The following RC3H1 variants were observed in gnomAD, a reference collection of about 807,000 sequenced individuals.
The protein encoded by RC3H1 is ring finger and CCCH-type domains 1.
Under a neutral mutation model 138.2 loss-of-function variants are expected in RC3H1, and 50 were observed. The ratio of observed to expected loss-of-function variants is 0.36; its 90% CI spans 0.29 to 0.46. The LOEUF is 0.46. Ranked by LOEUF, RC3H1 falls within the 20% of genes least tolerant of loss-of-function variation. RC3H1 has a pLI of 1.00. For missense variants in RC3H1, 1,031 were observed against 1,388.1 expected (o/e 0.74, Z 4.09); for synonymous variants, 462 against 489.1 (o/e 0.94, Z 0.73).
At chr1:173,965,377 G>A (rs1660068292) in intron 9 of RC3H1, among the ~76,000 whole-genome samples, 3 of 151,916 alleles carry the variant, frequency 2.0e-5, no homozygotes, top group Admixed American at 1.3e-4. Context: ...GGCGGATCAC[G>A]AGGTTAAGAT....
At chr1:174,005,085 T>G (rs1291582001) in intron 1 of RC3H1, among the ~76,000 whole-genome samples, 1 of 152,198 alleles carries the variant, frequency 6.6e-6, no homozygotes, top group Non-Finnish European at 1.5e-5. Flanking sequence ...TGGGTGGCCC[T>G]GACTTACTTT....
intron 9 of RC3H1, among the ~76,000 whole-genome samples, 173 bp downstream of exon 9, chr1:173,970,332 T>G (rs778771507): frequency 2.1e-4 from 32 of 152,230 alleles, no homozygotes; most frequent in Non-Finnish European, 2.6e-4. Flanking sequence ...CTTTCAAGCA[T>G]TTTTGGATTT....
At chr1:174,002,953 T>C (rs1661586815) in intron 1 of RC3H1, among the ~76,000 whole-genome samples, 1 of 152,132 alleles carries the variant, frequency 6.6e-6, no homozygotes, top group African/African-American at 2.4e-5. Context: ...TCCAAATCTC[T>C]CTCTCAAGTT....
At chr1:173,989,472 A>G (rs1183770314) in intron 2 of RC3H1, among the ~76,000 whole-genome samples, 1 of 152,182 alleles carries the variant, frequency 6.6e-6, no homozygotes, top group Non-Finnish European at 1.5e-5. Flanking sequence ...TACAGACGTG[A>G]GCCACTGTGA....
At chr1:173,942,153 A>G (rs933470524) in intron 18 of RC3H1, among the ~76,000 whole-genome samples, 1 of 151,578 alleles carries the variant, frequency 6.6e-6, no homozygotes, top group African/African-American at 2.4e-5. Context: ...GAGGCAGAAG[A>G]ATCACTTGAA....
At chr1:174,015,244 T>C (rs1190146065) in intron 1 of RC3H1, among the ~76,000 whole-genome samples, 3 of 147,184 alleles carry the variant, frequency 2.0e-5, no homozygotes, top group Non-Finnish European at 4.4e-5. Context: ...CTGATAATTA[T>C]AGGCCTTTTT....
At chr1:173,940,786 T>G (rs1269782795) in intron 19 of RC3H1, among the ~76,000 whole-genome samples, 1 of 152,074 alleles carries the variant, frequency 6.6e-6, no homozygotes, top group Non-Finnish European at 1.5e-5. Context: ...AATTCAACCT[T>G]GGATCTAAGT....
intron 8 of RC3H1, among the ~76,000 whole-genome samples, chr1:173,971,065 G>A (rs771236245): frequency 1.3e-5 from 2 of 151,102 alleles, no homozygotes; most frequent in Non-Finnish European, 2.9e-5. Flanking sequence ...CGGCTCAAGC[G>A]ATTCTCCTGC....
chr1:173,973,361 C>T (rs1015357431), intron 7 of RC3H1, among the ~76,000 whole-genome samples: 2 of 151,972 alleles, frequency 1.3e-5, no homozygotes, highest in Admixed American at 6.6e-5. Context: ...CATTGTGAAA[C>T]CCCGTCTCCA....
rs191081657 is a variant in RC3H1 at position 174,007,605 on chromosome 1, G to A, written c.-150-14470C>T. Among the ~76,000 whole-genome samples, 4 of 152,070 alleles carry A rather than the reference G, an allele frequency of 2.6e-5. No individual in the cohort carries two copies. The East Asian group carries it at 5.8e-4, about 22-fold the overall frequency. On this transcript the variant is annotated intron_variant, in intron 1 of 19. Transcript: ENST00000367696. ...CAGCCTCCTGAGGAGCTGGGACTAT[G>A]AGCATGGGCCACCATGCCGGGCAAC...
chr1:173,988,119 T>C (rs1181537297), intron 2 of RC3H1, among the ~76,000 whole-genome samples: 2 of 152,144 alleles, frequency 1.3e-5, no homozygotes, highest in African/African-American at 4.8e-5. Flanking sequence ...TCTTCCATAA[T>C]CTTTGTAAAG....
At chr1:173,962,344 T>A (rs1172334614) in intron 11 of RC3H1, among the ~76,000 whole-genome samples, 2 of 152,198 alleles carry the variant, frequency 1.3e-5, no homozygotes, top group African/African-American at 4.8e-5. Flanking sequence ...TGTTTGACCC[T>A]CTTTCTGGTG....
chr1:174,021,162 C>T (rs1661949822), intron 1 of RC3H1, among the ~76,000 whole-genome samples: 1 of 152,182 alleles, frequency 6.6e-6, no homozygotes. Flanking sequence ...TTCCTGAGGT[C>T]CACTTTATGC....
At chr1:173,950,037 T>TA (rs1334210260) in intron 14 of RC3H1, among the ~76,000 whole-genome samples, 1 of 151,800 alleles carries the variant, frequency 6.6e-6, no homozygotes, top group African/African-American at 2.4e-5. Context: ...GGCATGGTGG[T>TA]ATGTGCCTGT....
rs1661474467 is a variant in RC3H1 at position 173,997,063 on chromosome 1, C to G, written c.-150-3928G>C. On this transcript the variant is annotated intron_variant, in intron 1 of 19. Transcript: ENST00000367696. ...TGAGCAATCAAGTGAGACCCCGTCT[C>G]TACAGAAATATAAAAAATTTAGCTG... Among the ~76,000 whole-genome samples the G allele has an allele frequency of 2.0e-5, 3 of 151,980 alleles. 1 individual carries two copies. In the South Asian group the frequency reaches 6.2e-4, roughly 32 times the overall value.
intron 15 of RC3H1, among the ~76,000 whole-genome samples, 181 bp downstream of exon 15, chr1:173,947,188 G>C (rs1659172185): frequency 6.6e-6 from 1 of 152,096 alleles, no homozygotes; most frequent in Admixed American, 6.6e-5. Context: ...TTTAATTTCA[G>C]TTTATATACC....
intron 1 of RC3H1, among the ~76,000 whole-genome samples, chr1:174,009,091 A>G (rs1387913327): frequency 6.6e-6 from 1 of 152,114 alleles, no homozygotes; most frequent in African/African-American, 2.4e-5. Context: ...CACTTCCTCC[A>G]AAATATGTAA....
intron 14 of RC3H1, among the ~76,000 whole-genome samples, chr1:173,948,439 A>G (rs957102901): frequency 5.9e-5 from 9 of 151,872 alleles, no homozygotes; most frequent in Admixed American, 5.9e-4. Context: ...ATGACCTAGT[A>G]TATATATATG....
At chr1:173,947,305 C>G in intron 15 of RC3H1, 64 bp downstream of exon 15, 2 of 1,077,656 alleles carry the variant, frequency 1.9e-6, no homozygotes, top group Non-Finnish European at 2.9e-6. Context: ...AAATGGAGAG[C>G]AGGGGTAATG....
Sources: allele counts gnomAD v4.1 joint callset (sites outside exome capture counted in the v4.1 genomes callset), GRCh38; gene constraint gnomAD v4.1.1; transcripts MANE v1.5; gene names NCBI Gene and HGNC (gene_info 2026-07-23, HGNC 2026-07-21).